ADAMDEC1: variants seen among roughly 807,000 people sequenced by gnomAD.
ADAMDEC1 encodes the protein ADAM DEC1.
In ADAMDEC1, 62 loss-of-function variants were observed where a neutral mutation model predicts 60.4. That is an observed-to-expected ratio of 1.03 (90% CI 0.84 to 1.27). The LOEUF is 1.27. Ranked by LOEUF, ADAMDEC1 falls within the 50% of genes most tolerant of loss-of-function variation. ADAMDEC1 has a pLI of 0.00. For synonymous variants in ADAMDEC1, 210 were observed against 195.1 expected, an observed-to-expected ratio of 1.08 and a Z score of -0.64; for missense variants, 595 against 565.0, an observed-to-expected ratio of 1.05 and a Z score of -0.54.
chr8:24,388,469 CCT>C (rs1164803280), intron 1 of ADAMDEC1, among the ~76,000 whole-genome samples: 3 of 152,088 alleles, frequency 2.0e-5, no homozygotes, highest in East Asian at 1.9e-4. Context: ...TCATGTTTTT[CCT>C]CTCTTTCTTT....
chr8:24,396,237 G>A (rs1397889099), intron 5 of ADAMDEC1, among the ~76,000 whole-genome samples: 10 of 152,346 alleles, frequency 6.6e-5, no homozygotes, highest in African/African-American at 2.4e-5. Flanking sequence ...CAGGCCGGGT[G>A]CGGTGGCTCA....
chr8:24,396,259 C>G (rs1236630110), intron 5 of ADAMDEC1, among the ~76,000 whole-genome samples: 1 of 152,104 alleles, frequency 6.6e-6, no homozygotes, highest in Non-Finnish European at 1.5e-5. Flanking sequence ...GCCTGTAATC[C>G]CAGCACTTTG....
In ADAMDEC1 at chr8:24,405,198, A is replaced by G. The variant is rs140126145; in HGVS notation, c.1407-94A>G. Reference sequence around the variant, plus strand: ...AATAATATGAATTGTTATTCACATAATTTAAATTCTATACATTTTCATTAT... The same window carrying G: ...AATAATATGAATTGTTATTCACATAGTTTAAATTCTATACATTTTCATTAT... On this transcript the variant is annotated intron_variant, in intron 13 of 13. Transcript: ENST00000256412. The G allele has an allele frequency of 5.6e-4, 695 of 1,242,552 alleles. 3 individuals carry two copies. The African/African-American group carries it at 9.5e-3, about 17-fold the overall frequency. The allele number at this position is 1,242,552 out of a possible 1,614,324, so 77.0% of individuals were successfully genotyped here.
chr8:24,384,305 C>T lies in ADAMDEC1; in HGVS notation c.-200C>T. The T allele has an allele frequency of 1.8e-6, 1 of 561,640 alleles. No homozygotes were observed. The highest frequency in any genetic ancestry group is 3.1e-6 in the Non-Finnish European group (1 of 318,310). The allele number at this position is 561,640 out of a possible 1,614,324, so 34.8% of individuals were successfully genotyped here. On this transcript the variant is annotated 5_prime_UTR_variant, in exon 1 of 14. Transcript: ENST00000256412. ...TGTCCAGATGTGAGTCCTCAATGAGCTATAACCACAGCCATAAATATCTCT... is the reference window on the plus strand; with the variant it reads ...TGTCCAGATGTGAGTCCTCAATGAGTTATAACCACAGCCATAAATATCTCT...
intron 1 of ADAMDEC1, chr8:24,387,075 C>T (rs922163877): frequency 3.3e-5 from 5 of 152,220 alleles, no homozygotes; most frequent in African/African-American, 1.2e-4. Context: ...CTCAGTTAAT[C>T]CTTTCATAAA....
At chr8:24,393,366 CA>C in intron 3 of ADAMDEC1, 28 bp downstream of exon 3, 1 of 1,463,524 alleles carries the variant, frequency 6.8e-7, no homozygotes, top group Non-Finnish European at 9.5e-7. Context: ...AAAGTCTAAT[CA>C]CTGGATTAGG....
chr8:24,404,062 CGGA>C lies in ADAMDEC1; in HGVS notation c.1385_1387del (p.Gly462del). 3 of 1,613,626 alleles carry C rather than the reference CGGA, an allele frequency of 1.9e-6. No homozygotes were observed. Among genetic ancestry groups the C allele is most frequent in the Non-Finnish European group, 2.5e-6 (3 of 1,179,740 alleles). ...GTAAACTGAAGCCTGGAACTGATTG[CGGA>C]GGAGATGCTCCAAACCATACCACGT... On this transcript the variant is annotated inframe_deletion, in exon 13 of 14. Coordinates refer to ENST00000256412, the MANE Select transcript of ADAMDEC1 (RefSeq NM_014479.3).
At position 24,395,726 on chromosome 8, in the gene ADAMDEC1, T is replaced by G. The variant is rs767024026; in HGVS notation, c.370T>G (p.Cys124Gly). 6.2e-7 allele frequency: 1 copy of G among 1,612,432 alleles called. No individual in the cohort carries two copies. Among genetic ancestry groups the G allele is most frequent in the South Asian group, 1.1e-5 (1 of 90,956 alleles). Residue 124 changes from cysteine to glycine, a missense_variant, in exon 5 of 14, where the codon TGT becomes GGT. By Grantham distance (159) the Cys-to-Gly change is radical. Coordinates refer to ENST00000256412, the MANE Select transcript of ADAMDEC1 (RefSeq NM_014479.3). ...ITTKPENMEH[C>G]YYKGNILNEK... ...TTTCTTTTTTCCACTCCAGGAACAC[T>G]GTTACTATAAAGGAAACATCCTAAA...
At chr8:24,398,750 A>G in intron 8 of ADAMDEC1, 124 bp from the exon 9 acceptor site, 1 of 1,144,774 alleles carries the variant, frequency 8.7e-7, no homozygotes, top group Non-Finnish European at 1.2e-6. Context: ...TAAAATTTTT[A>G]CTTTCAAAAT....
chr8:24,405,708 AT>A lies in ADAMDEC1; in HGVS notation c.*411del, dbSNP rs1335058086. 2.5e-5 allele frequency: 4 copies of A among 160,260 alleles called. No individual in the cohort carries two copies. The highest frequency in any genetic ancestry group is 2.0e-4 in the South Asian group (1 of 4,952). 9.9% of individuals were successfully genotyped at this position (160,260 alleles called of 1,614,324 possible). A position where few individuals can be genotyped will look rare whatever the true frequency, so the allele number is the denominator to read the frequency against. On this transcript the variant is annotated 3_prime_UTR_variant, in exon 14 of 14. Coordinates refer to ENST00000256412, the MANE Select transcript of ADAMDEC1 (RefSeq NM_014479.3). Reference sequence around the variant, plus strand: ...CTTACTAGTATGGCCTATAAAAAAAATAATACCACTTGATGGGTGAAGGCTT... The same window carrying A: ...CTTACTAGTATGGCCTATAAAAAAAAAATACCACTTGATGGGTGAAGGCTT...
At position 24,393,254 on chromosome 8, in the gene ADAMDEC1, G is replaced by A; in HGVS notation, c.208-8G>A. 6.5e-7 allele frequency: 1 copy of A among 1,546,122 alleles called. No individual in the cohort carries two copies. Among genetic ancestry groups the A allele is most frequent in the South Asian group, 1.2e-5 (1 of 84,278 alleles). Reference sequence around the variant, plus strand: ...TATAAATTGCTTGATGTAATTAAATGTTTTCAGGAAAGGTATGAACCTGAA... The same window carrying A: ...TATAAATTGCTTGATGTAATTAAATATTTTCAGGAAAGGTATGAACCTGAA... On this transcript the variant is annotated splice_region_variant and splice_polypyrimidine_tract_variant and intron_variant, in intron 2 of 13. Coordinates refer to ENST00000256412, the MANE Select transcript of ADAMDEC1 (RefSeq NM_014479.3).
chr8:24,392,896 T>G (rs1270825139), intron 2 of ADAMDEC1, among the ~76,000 whole-genome samples: 3 of 147,152 alleles, frequency 2.0e-5, no homozygotes, highest in Non-Finnish European at 4.5e-5. Context: ...GTTTTTTTTT[T>G]TTTTTTTTTT....
At position 24,394,091 on chromosome 8, in the gene ADAMDEC1, A is replaced by G. The variant is rs1817519361; in HGVS notation, c.307A>G (p.Thr103Ala). 3 of 1,613,358 alleles carry G rather than the reference A, an allele frequency of 1.9e-6. No individual in the cohort carries two copies. The highest frequency in any genetic ancestry group is 2.2e-5 in the East Asian group (1 of 44,778). The change falls in exon 4 of 14, where the codon ACT becomes GCT. Residue 103 changes from threonine to alanine, a missense_variant. Thr to Ala is a moderately conservative substitution (Grantham distance 58). Transcript: ENST00000256412. ...CAGGCACCTCCTGGGGCCAGACTACACTGAAACATTGTACTCACCCAGAGG... is the reference window on the plus strand; with the variant it reads ...CAGGCACCTCCTGGGGCCAGACTACGCTGAAACATTGTACTCACCCAGAGG... ...KTKHLLGPDY[T>A]ETLYSPRGEE...
rs1211173287 is a variant in ADAMDEC1 at position 24,392,351 on chromosome 8, A to G, written c.178A>G (p.Asn60Asp). Residue 60 changes from asparagine to aspartate, a missense_variant, in exon 2 of 14, where the codon AAC becomes GAC. Asn to Asp is a conservative substitution (Grantham distance 23). Transcript: ENST00000256412. ...CATTTTACACAAAAGAGAGATCAAG[A>G]ACAACCAGACAGAAAAGCATGGCAA... ...LHILHKREIKNNQTEKHGKEE... is the reference protein window; with the variant it reads ...LHILHKREIKDNQTEKHGKEE... The G allele has an allele frequency of 3.7e-6, 6 of 1,611,786 alleles. No homozygotes were observed. Among genetic ancestry groups the G allele is most frequent in the Non-Finnish European group, 5.1e-6 (6 of 1,178,772 alleles).
At chr8:24,391,717 A>C (rs1480225545) in intron 1 of ADAMDEC1, among the ~76,000 whole-genome samples, 1 of 152,196 alleles carries the variant, frequency 6.6e-6, no homozygotes, top group Non-Finnish European at 1.5e-5. Context: ...TTATTGACAC[A>C]CTGAGGAATA....
At position 24,400,197 on chromosome 8, in the gene ADAMDEC1, G is replaced by C; in HGVS notation, c.1039G>C (p.Val347Leu). Residue 347 changes from valine (V) to leucine (L), a missense_variant, in exon 11 of 14, where the codon GTA (valine) becomes CTA (leucine). Val to Leu is a conservative substitution (Grantham distance 32). Coordinates refer to ENST00000256412, the MANE Select transcript of ADAMDEC1 (RefSeq NM_014479.3). ...EAKKKNNVAL[V>L]GVMSHELGHV... ...TAAAAAAAAGAATAATGTGGCTCTT[G>C]TAGGAGTGATGTCACATGAGCTGGG... is the stretch of plus-strand genomic sequence containing the variant. 6.2e-7 allele frequency: 1 copy of C among 1,602,542 alleles called. No homozygotes were observed. Among genetic ancestry groups the C allele is most frequent in the Non-Finnish European group, 8.5e-7 (1 of 1,175,374 alleles).
At position 24,403,309 on chromosome 8, in the gene ADAMDEC1, A is replaced by G. The variant is rs184679915; in HGVS notation, c.1321-694A>G. 3.6e-4 allele frequency among the ~76,000 whole-genome samples: 55 copies of G among 152,120 alleles called. No homozygotes were observed. In the East Asian group the frequency reaches 4.4e-3, roughly 12 times the overall value. On this transcript the variant is annotated intron_variant, in intron 12 of 13. Transcript: ENST00000256412. ...ACAGTATTGTTTATTGAGTAATCCA[A>G]TTTCTCATAGATCTGATATCCCAGT...
intron 1 of ADAMDEC1, chr8:24,390,204 G>A: frequency 8.7e-7 from 1 of 1,143,470 alleles, no homozygotes; most frequent in Non-Finnish European, 1.2e-6. Flanking sequence ...TCACATAAAA[G>A]AAATATCAGA....
chr8:24,397,653 A>T, intron 6 of ADAMDEC1, 30 bp from the exon 7 acceptor site: 1 of 1,592,524 alleles, frequency 6.3e-7, no homozygotes. Flanking sequence ...AAAGATAATG[A>T]TTAACAATGT....
Sources: gnomAD v4.1 joint callset for allele counts (sites outside exome capture counted in the v4.1 genomes callset) on GRCh38, gnomAD v4.1.1 for gene constraint, MANE v1.5 for transcripts, NCBI Gene and HGNC (gene_info 2026-07-23, HGNC 2026-07-21) for gene names.